The following RBFOX1 variants were observed in gnomAD, a reference collection of about 807,000 sequenced individuals.
RBFOX1 encodes RNA binding protein fox-1 homolog 1.
RBFOX1 carries 8 observed loss-of-function variants against 57.7 expected under a neutral mutation model. That is an observed-to-expected ratio of 0.14 (90% CI 0.08 to 0.25). The LOEUF (loss-of-function observed/expected upper bound fraction) is 0.25, where lower values mean the gene tolerates loss of function less well. Among genes scored for constraint, RBFOX1 ranks in the 10% least tolerant of loss-of-function variants. The probability of loss-of-function intolerance (pLI) is 1.00; values close to 1 mark genes in which losing one functional copy is unlikely to be tolerated. For missense variants in RBFOX1, 611 were observed against 548.5 expected (o/e 1.11, Z -1.14); for synonymous variants, 326 against 222.4 (o/e 1.47, Z -4.15).
intron 3 of RBFOX1, among the ~76,000 whole-genome samples, chr16:5,678,065 T>C (rs1043883526): frequency 6.6e-6 from 1 of 152,212 alleles, no homozygotes; most frequent in South Asian, 2.1e-4. Flanking sequence ...ATTGTGTTGG[T>C]GTCGATGAAT....
chr16:5,438,748 G>A (rs969696591), intron 1 of RBFOX1, among the ~76,000 whole-genome samples: 5 of 152,148 alleles, frequency 3.3e-5, no homozygotes, highest in African/African-American at 1.2e-4. Context: ...ACCCTGGCCT[G>A]TGAGTATTTG....
chr16:7,025,717 C>CAGG (rs2153682585), intron 3 of RBFOX1, among the ~76,000 whole-genome samples: 1 of 152,022 alleles, frequency 6.6e-6, no homozygotes, highest in African/African-American at 2.4e-5. Context: ...CACTGCCAGT[C>CAGG]AGGACATCCT....
chr16:7,160,230 A>T (rs1169346036), intron 4 of RBFOX1, among the ~76,000 whole-genome samples: 2 of 151,152 alleles, frequency 1.3e-5, no homozygotes, highest in Admixed American at 1.3e-4. Flanking sequence ...AAAGAGTTTT[A>T]TGACTATGTG....
chr16:6,450,795 ATATATGTATATATAT>A (rs2094584157), intron 2 of RBFOX1, among the ~76,000 whole-genome samples: 1 of 16,218 alleles, frequency 6.2e-5, no homozygotes, highest in South Asian at 1.9e-3. Context: ...ATATACATAT[ATATATGTATATATAT>A]ATATATACAT....
chr16:6,605,823 G>A (rs919490824), intron 2 of RBFOX1, among the ~76,000 whole-genome samples: 1 of 152,170 alleles, frequency 6.6e-6, no homozygotes, highest in African/African-American at 2.4e-5. Context: ...ATCCTGGCAG[G>A]CCACAGTGGC....
chr16:6,999,549 A>G (rs1434509564), intron 3 of RBFOX1, among the ~76,000 whole-genome samples: 2 of 152,086 alleles, frequency 1.3e-5, no homozygotes, highest in Admixed American at 1.3e-4. Flanking sequence ...AAAAAAACAC[A>G]AAAGTAGAAT....
At chr16:7,691,722 G>T (rs184590648) in intron 14 of RBFOX1, among the ~76,000 whole-genome samples, 1 of 150,436 alleles carries the variant, frequency 6.6e-6, no homozygotes, top group Non-Finnish European at 1.5e-5. Context: ...TAGCACATTG[G>T]ACAGTTCCTT....
At chr16:6,002,374 G>C (rs62015775) in intron 4 of RBFOX1, among the ~76,000 whole-genome samples, 1 of 152,212 alleles carries the variant, frequency 6.6e-6, no homozygotes, top group East Asian at 1.9e-4. Flanking sequence ...ATAGAGTTTT[G>C]ACATGGAGAC....
intron 10 of RBFOX1, among the ~76,000 whole-genome samples, chr16:7,630,109 G>T (rs1039465990): frequency 1.8e-4 from 27 of 151,854 alleles, no homozygotes; most frequent in Non-Finnish European, 3.7e-4. Context: ...TTACATGCCA[G>T]CCCCTGCCCT....
intron 4 of RBFOX1, among the ~76,000 whole-genome samples, chr16:7,154,250 A>G (rs147097361): frequency 7.9e-5 from 12 of 152,278 alleles, no homozygotes; most frequent in Non-Finnish European, 1.8e-4. Context: ...CAGTCGGAGG[A>G]AGACATGGCA....
At chr16:5,625,043 C>T (rs4786739) in intron 3 of RBFOX1, among the ~76,000 whole-genome samples, 74,465 of 152,022 alleles carry the variant, frequency 0.49, 22,272 homozygotes, top group Non-Finnish European at 0.68. Flanking sequence ...CCATAGGCGG[C>T]TCTGGATTCT....
chr16:5,657,388 C>T (rs1048149324), intron 3 of RBFOX1, among the ~76,000 whole-genome samples: 18 of 152,188 alleles, frequency 1.2e-4, no homozygotes, highest in African/African-American at 3.1e-4. Context: ...CCTGCTGTTG[C>T]TGTTTACAGA....
intron 14 of RBFOX1, among the ~76,000 whole-genome samples, chr16:7,704,744 G>A (rs7202021): frequency 0.68 from 102,982 of 152,040 alleles, 35,243 homozygotes; most frequent in Middle Eastern, 0.72. Context: ...AAGTTGGAAA[G>A]TGCCCTTAAA....
intron 3 of RBFOX1, among the ~76,000 whole-genome samples, chr16:6,928,270 A>G (rs2075964484): frequency 6.6e-6 from 1 of 152,232 alleles, no homozygotes; most frequent in Non-Finnish European, 1.5e-5. Context: ...CCAGATTTTT[A>G]AAAGCTTACA....
chr16:6,266,236 C>G (rs138904927), intron 1 of RBFOX1, among the ~76,000 whole-genome samples: 4 of 152,178 alleles, frequency 2.6e-5, no homozygotes, highest in African/African-American at 4.8e-5. Context: ...AGCTAAAAGA[C>G]AGCCAACACA....
intron 3 of RBFOX1, among the ~76,000 whole-genome samples, chr16:5,695,814 G>C (rs1376772546): frequency 6.6e-6 from 1 of 152,050 alleles, no homozygotes; most frequent in East Asian, 1.9e-4. Flanking sequence ...AAGGAAAGGA[G>C]GTAACTATAG....
At chr16:7,105,172 T>A (rs1191526270) in intron 4 of RBFOX1, among the ~76,000 whole-genome samples, 1 of 152,204 alleles carries the variant, frequency 6.6e-6, no homozygotes, top group African/African-American at 2.4e-5. Context: ...TATAGGCCCA[T>A]CCATTAACCA....
intron 4 of RBFOX1, among the ~76,000 whole-genome samples, chr16:7,178,855 A>G (rs1330617694): frequency 1.3e-5 from 2 of 152,132 alleles, no homozygotes; most frequent in South Asian, 2.1e-4. Context: ...CATACTTCAT[A>G]CTTCTTTACT....
chr16:7,045,030 G>A (rs55788749), intron 3 of RBFOX1, among the ~76,000 whole-genome samples: 22,546 of 152,132 alleles, frequency 0.15, 3,121 homozygotes, highest in African/African-American at 0.36. Flanking sequence ...GGATTCTGCC[G>A]TTTTGTGCAA....
Sources: allele counts gnomAD v4.1 joint callset (sites outside exome capture counted in the v4.1 genomes callset), GRCh38; gene constraint gnomAD v4.1.1; transcripts MANE v1.5; gene names NCBI Gene and HGNC (gene_info 2026-07-23, HGNC 2026-07-21).